Variants in FUCA1 observed in about 807,000 individuals in gnomAD.
FUCA1 encodes the protein alpha-L-fucosidase 1, also known as tissue alpha-L-fucosidase.
A neutral mutation model predicts 56.8 loss-of-function variants in FUCA1; 52 were observed. The ratio of observed to expected loss-of-function variants is 0.92; its 90% confidence interval spans 0.73 to 1.15. The LOEUF (loss-of-function observed/expected upper bound fraction) is 1.15. Among genes scored for constraint, FUCA1 ranks in the 50% most tolerant of loss-of-function variants. FUCA1 has a pLI of 0.00. For synonymous variants in FUCA1, 230 were observed against 226.6 expected, an observed-to-expected ratio of 1.02 and a Z score of -0.14; for missense variants, 568 against 592.6, an observed-to-expected ratio of 0.96 and a Z score of 0.43.
intron 3 of FUCA1, among the ~76,000 whole-genome samples, chr1:23,860,668 T>C (rs1247347364): frequency 6.6e-6 from 1 of 151,566 alleles, no homozygotes; most frequent in African/African-American, 2.4e-5. Flanking sequence ...TGAGACTGTT[T>C]TGCTTTGTCT....
chr1:23,854,665 AGC>A (rs1339239315), intron 4 of FUCA1, 105 bp from the exon 5 acceptor site: 25 of 965,980 alleles, frequency 2.6e-5, no homozygotes, highest in Non-Finnish European at 3.8e-5. Context: ...CTTAGTCTAG[AGC>A]AGTGGCTGTC....
At chr1:23,866,676 T>G (rs920753180) in intron 1 of FUCA1, among the ~76,000 whole-genome samples, 9 of 152,202 alleles carry the variant, frequency 5.9e-5, no homozygotes, top group African/African-American at 2.2e-4. Flanking sequence ...CTTAAAAAAC[T>G]GGCAGAGGAC....
intron 1 of FUCA1, among the ~76,000 whole-genome samples, chr1:23,866,361 G>T (rs1040414778): frequency 3.9e-5 from 6 of 152,182 alleles, no homozygotes; most frequent in African/African-American, 1.4e-4. Context: ...TAAGCTGTTT[G>T]GTTTACCAAG....
At position 23,865,497 on chromosome 1, in the gene FUCA1, C is replaced by T. The variant is rs148194937; in HGVS notation, c.518G>A (p.Arg173Gln). The T allele has an allele frequency of 3.0e-5, 49 of 1,614,078 alleles. No individual in the cohort carries two copies. The East Asian group carries it at 3.1e-4, about 10-fold the overall frequency. The part of the protein sequence containing the change: ...DLVGELGTAL[R>Q]KRNIRYGLYH... ...ACCATCCCTGGACACTCACCTCTTC[C>T]GGAGAGCTGTTCCCAATTCACCAAC... The change falls in exon 2 of 8, where the codon CGG (arginine) becomes CAG (glutamine). Residue 173 changes from arginine (R) to glutamine (Q), a missense_variant. Arg to Gln is a conservative substitution (Grantham distance 43). Coordinates refer to ENST00000374479, the MANE Select transcript of FUCA1 (RefSeq NM_000147.5).
chr1:23,866,153 A>G (rs1338709345), intron 1 of FUCA1, among the ~76,000 whole-genome samples: 2 of 152,190 alleles, frequency 1.3e-5, no homozygotes, highest in Non-Finnish European at 2.9e-5. Context: ...CTCAACTAAA[A>G]ATACAAAAAT....
intron 5 of FUCA1, among the ~76,000 whole-genome samples, chr1:23,853,127 C>A (rs1304917401): frequency 2.4e-4 from 35 of 147,318 alleles, no homozygotes; most frequent in Middle Eastern, 3.5e-3. Context: ...TCTGCCCCGC[C>A]GCCCCGTCTG....
chr1:23,857,814 T>C, intron 4 of FUCA1, among the ~76,000 whole-genome samples: 3 of 147,446 alleles, frequency 2.0e-5, no homozygotes, highest in Non-Finnish European at 4.5e-5. Context: ...ACTACAGGCA[T>C]GTAAAAATTA....
intron 6 of FUCA1, among the ~76,000 whole-genome samples, chr1:23,846,507 G>C (rs1234385611): frequency 6.6e-6 from 1 of 152,092 alleles, no homozygotes; most frequent in Non-Finnish European, 1.5e-5. Flanking sequence ...CTGGCCTCAA[G>C]TGATCCACCT....
In FUCA1 at chr1:23,845,239, GC is replaced by G. The variant is rs890917657; in HGVS notation, c.*475del. The G allele has an allele frequency of 9.6e-6, 2 of 207,738 alleles. No individual in the cohort carries two copies. The highest frequency in any genetic ancestry group is 9.8e-6 in the Non-Finnish European group (1 of 101,696). The allele number at this position is 207,738 out of a possible 1,614,324, so 12.9% of individuals were successfully genotyped here. A position where few individuals can be genotyped will look rare whatever the true frequency, so the allele number is the denominator to read the frequency against. On this transcript the variant is annotated 3_prime_UTR_variant, in exon 8 of 8. Transcript: ENST00000374479. ...AATTTCTGAAGAGTTGACCATAGCAGCCTGGTAAGCCTTTTCCTTTCCCCCA... is the reference window on the plus strand; with the variant it reads ...AATTTCTGAAGAGTTGACCATAGCAGCTGGTAAGCCTTTTCCTTTCCCCCA...
intron 5 of FUCA1, among the ~76,000 whole-genome samples, chr1:23,852,238 T>C (rs1452315297): frequency 2.0e-5 from 3 of 151,828 alleles, no homozygotes; most frequent in African/African-American, 7.3e-5. Flanking sequence ...CTGGGCAACA[T>C]AGCAAGACCC....
chr1:23,848,346 T>G (rs992197243), intron 6 of FUCA1, among the ~76,000 whole-genome samples: 3 of 152,130 alleles, frequency 2.0e-5, no homozygotes, highest in African/African-American at 7.2e-5. Flanking sequence ...TGGATGGGGC[T>G]CCGTACAATC....
At chr1:23,849,832 C>T (rs1030234032) in intron 5 of FUCA1, among the ~76,000 whole-genome samples, 1 of 151,790 alleles carries the variant, frequency 6.6e-6, no homozygotes, top group African/African-American at 2.4e-5. Flanking sequence ...CCACCTATCT[C>T]AGCCTCCCAA....
chr1:23,868,199 G>A lies in FUCA1; in HGVS notation c.88C>T (p.Arg30Trp), dbSNP rs1227879514. 1.9e-6 allele frequency: 3 copies of A among 1,598,166 alleles called. No homozygotes were observed. Among genetic ancestry groups the A allele is most frequent in the Admixed American group, 3.5e-5 (2 of 57,678 alleles). ...GTGTAGCGGCGCGGAGGCTGGGCCC[G>A]ACGCACCGACTCGGCCGCTCCGAGG... ...LFLGAAESVR[R>W]AQPPRRYTPD... Residue 30 changes from arginine to tryptophan, a missense_variant, in exon 1 of 8, where the codon CGG becomes TGG. By Grantham distance (101) the Arg-to-Trp change is moderately radical. Transcript: ENST00000374479.
chr1:23,858,788 C>T (rs930776977), intron 4 of FUCA1, among the ~76,000 whole-genome samples: 15 of 152,132 alleles, frequency 9.9e-5, no homozygotes, highest in African/African-American at 2.4e-4. Flanking sequence ...TTCACTGTCA[C>T]GCAGGCTGGA....
chr1:23,853,904 G>A lies in FUCA1; in HGVS notation c.969+456C>T, dbSNP rs1639334695. ...AGTCATCACCACTCCCTAATCTCAA[G>A]TACCCAGGGACACAAACACTGCGGA... On this transcript the variant is annotated intron_variant, in intron 5 of 7. Coordinates refer to ENST00000374479, the MANE Select transcript of FUCA1 (RefSeq NM_000147.5). Among the ~76,000 whole-genome samples, 9 of 150,934 alleles carry A rather than the reference G, an allele frequency of 6.0e-5. No individual in the cohort carries two copies. In the South Asian group the frequency reaches 1.9e-3, roughly 32 times the overall value.
chr1:23,855,069 T>G lies in FUCA1; in HGVS notation c.769-509A>C, dbSNP rs1204436743. On this transcript the variant is annotated intron_variant, in intron 4 of 7. Coordinates refer to ENST00000374479, the MANE Select transcript of FUCA1 (RefSeq NM_000147.5). ...GTTTTCCAACTATATAATCCCAGCC[T>G]TACTTACGTAAAAAAAAAGTCTTAA... is the stretch of plus-strand genomic sequence containing the variant. 2.6e-5 allele frequency among the ~76,000 whole-genome samples: 4 copies of G among 151,654 alleles called. No homozygotes were observed. The East Asian group carries it at 7.7e-4, about 29-fold the overall frequency.
Position 23,868,235 on chromosome 1 carries a change from G to GCAGCAA in FUCA1, c.46_51dup (p.Leu19_Leu20dup), listed in dbSNP as rs764731226. The GCAGCAA allele has an allele frequency of 1.3e-6, 2 of 1,572,570 alleles. No homozygotes were observed. Among genetic ancestry groups the GCAGCAA allele is most frequent in the Non-Finnish European group, 1.7e-6 (2 of 1,159,662 alleles). On this transcript the variant is annotated inframe_insertion, in exon 1 of 8. Transcript: ENST00000374479. ...TCGGCCGCTCCGAGGAAGAGCAGCA[G>GCAGCAA]CAGCAACAGCGCGGGACCCGCCGGC... is the stretch of plus-strand genomic sequence containing the variant.
At chr1:23,848,628 A>G in intron 6 of FUCA1, 21 bp downstream of exon 6, 1 of 1,613,286 alleles carries the variant, frequency 6.2e-7, no homozygotes. Flanking sequence ...GTTCTTACAC[A>G]CAACAGAAGA....
At chr1:23,850,524 C>T (rs1281984596) in intron 5 of FUCA1, among the ~76,000 whole-genome samples, 1 of 151,934 alleles carries the variant, frequency 6.6e-6, no homozygotes, top group East Asian at 1.9e-4. Context: ...AGCTCTGTCA[C>T]CCAGGCTGGA....
Sources: allele counts gnomAD v4.1 joint callset (sites outside exome capture counted in the v4.1 genomes callset), GRCh38; gene constraint gnomAD v4.1.1; transcripts MANE v1.5; gene names NCBI Gene and HGNC (gene_info 2026-07-23, HGNC 2026-07-21).